TMPRSS11E: variants seen among roughly 807,000 people sequenced by gnomAD.
The protein encoded by TMPRSS11E is transmembrane serine protease 11E.
Under a neutral mutation model 48.1 loss-of-function variants are expected in TMPRSS11E, and 38 were observed. The observed-to-expected ratio is 0.79, with a 90% CI of 0.61 to 1.04. The LOEUF is 1.04. TMPRSS11E is among the 50% of genes least tolerant of loss of function. The pLI, the probability that TMPRSS11E is intolerant of heterozygous loss-of-function variation, is 0.00. For synonymous variants in TMPRSS11E, 158 were observed against 171.9 expected (o/e 0.92, Z 0.63); for missense variants, 530 against 510.8 (o/e 1.04, Z -0.36).
chr4:68,489,398 T>G (rs915188011), intron 9 of TMPRSS11E, among the ~76,000 whole-genome samples: 1 of 152,132 alleles, frequency 6.6e-6, no homozygotes, highest in African/African-American at 2.4e-5. Flanking sequence ...GCAAAGGCAC[T>G]TTGGCGGGGT....
intron 9 of TMPRSS11E, among the ~76,000 whole-genome samples, chr4:68,483,389 A>G (rs1257391041): frequency 1.3e-5 from 2 of 152,240 alleles, no homozygotes; most frequent in East Asian, 3.9e-4. Context: ...CACTTCCAGC[A>G]ATGGAGATTA....
intron 1 of TMPRSS11E, among the ~76,000 whole-genome samples, chr4:68,455,154 C>G (rs1249398099): frequency 1.3e-5 from 2 of 151,866 alleles, no homozygotes; most frequent in African/African-American, 4.8e-5. Flanking sequence ...CTTGTAGTCT[C>G]TTAGTTTGAC....
chr4:68,483,932 T>C (rs1560558243), intron 9 of TMPRSS11E, among the ~76,000 whole-genome samples: 1 of 152,210 alleles, frequency 6.6e-6, no homozygotes, highest in East Asian at 1.9e-4. Context: ...TTGTCAAAGA[T>C]GAGATGGTTG....
At chr4:68,477,697 C>T in intron 8 of TMPRSS11E, 69 bp downstream of exon 8, 1 of 1,552,334 alleles carries the variant, frequency 6.4e-7, no homozygotes, top group South Asian at 1.2e-5. Flanking sequence ...CAATGAAATG[C>T]CATTATGCCA....
At chr4:68,455,513 A>G (rs969606095) in intron 1 of TMPRSS11E, among the ~76,000 whole-genome samples, 4 of 151,912 alleles carry the variant, frequency 2.6e-5, no homozygotes, top group East Asian at 1.9e-4. Flanking sequence ...GTTTAGATCT[A>G]CTTCCATTCT....
chr4:68,483,347 G>T (rs988308964), intron 9 of TMPRSS11E, among the ~76,000 whole-genome samples: 1 of 152,142 alleles, frequency 6.6e-6, no homozygotes, highest in South Asian at 2.1e-4. Context: ...ATGCTGTCAG[G>T]GATCCGTTAC....
intron 9 of TMPRSS11E, among the ~76,000 whole-genome samples, chr4:68,487,104 C>T (rs1269018816): frequency 6.6e-6 from 1 of 152,120 alleles, no homozygotes; most frequent in Non-Finnish European, 1.5e-5. Flanking sequence ...GTAAGTGGGG[C>T]ATTAAGCCTG....
Position 68,460,485 on chromosome 4 carries a change from C to T in TMPRSS11E, c.12-1336C>T, listed in dbSNP as rs182192177. On this transcript the variant is annotated intron_variant, in intron 1 of 9. Transcript: ENST00000305363. ...TGAGCTCAGAGTTTAAATGATTTTT[C>T]CGTCGCTGATCTGTTAATGAAAGGG... is the stretch of plus-strand genomic sequence containing the variant. 7.9e-5 allele frequency among the ~76,000 whole-genome samples: 12 copies of T among 152,228 alleles called. 1 individual carries two copies. Among genetic ancestry groups the T allele is most frequent in the African/African-American group, 2.2e-4 (9 of 41,540 alleles).
At chr4:68,472,474 T>C (rs1051548819) in intron 5 of TMPRSS11E, among the ~76,000 whole-genome samples, 2 of 152,066 alleles carry the variant, frequency 1.3e-5, no homozygotes, top group African/African-American at 2.4e-5. Flanking sequence ...CTCTGGAATC[T>C]AGCGTACATT....
chr4:68,466,483 T>A (rs1162257560), intron 2 of TMPRSS11E, 148 bp from the exon 3 acceptor site: 1 of 750,354 alleles, frequency 1.3e-6, no homozygotes, highest in African/African-American at 1.8e-5. Flanking sequence ...GAGATAACTA[T>A]GAGGCCTGGG....
chr4:68,482,393 T>C, intron 9 of TMPRSS11E, among the ~76,000 whole-genome samples: 1 of 152,056 alleles, frequency 6.6e-6, no homozygotes, highest in East Asian at 1.9e-4. Context: ...TCTTCTCACA[T>C]TGCAAAATAT....
intron 1 of TMPRSS11E, among the ~76,000 whole-genome samples, chr4:68,457,645 C>T (rs1422731052): frequency 6.6e-6 from 1 of 152,024 alleles, no homozygotes; most frequent in African/African-American, 2.4e-5. Context: ...TTGGAACCAA[C>T]CCAAATGCCC....
chr4:68,489,477 C>A (rs1449195102), intron 9 of TMPRSS11E, among the ~76,000 whole-genome samples: 1 of 152,096 alleles, frequency 6.6e-6, no homozygotes, highest in Non-Finnish European at 1.5e-5. Context: ...AAGTCCTGCA[C>A]AGGCATGCGT....
At chr4:68,489,350 T>C (rs547605804) in intron 9 of TMPRSS11E, among the ~76,000 whole-genome samples, 119 of 152,224 alleles carry the variant, frequency 7.8e-4, no homozygotes, top group African/African-American at 2.7e-3. Context: ...TTGGAAGGAA[T>C]GAGGTGTTCC....
intron 1 of TMPRSS11E, among the ~76,000 whole-genome samples, chr4:68,459,371 G>A (rs767182407): frequency 4.0e-5 from 6 of 151,126 alleles, no homozygotes; most frequent in Non-Finnish European, 7.4e-5. Context: ...TAATTCAAAC[G>A]CCATAATGTT....
chr4:68,459,830 C>A (rs952278619), intron 1 of TMPRSS11E, among the ~76,000 whole-genome samples: 1 of 152,180 alleles, frequency 6.6e-6, no homozygotes, highest in Non-Finnish European at 1.5e-5. Flanking sequence ...GTATTCCCCC[C>A]AAAGTTTTGC....
In TMPRSS11E at chr4:68,471,534, T is replaced by C. The variant is rs1436388462; in HGVS notation, c.401T>C (p.Val134Ala). 1.9e-6 allele frequency: 3 copies of C among 1,611,178 alleles called. No individual in the cohort carries two copies. The highest frequency in any genetic ancestry group is 2.5e-6 in the Non-Finnish European group (3 of 1,178,670). The change falls in exon 5 of 10, where the codon GTA (valine) becomes GCA (alanine). Residue 134 changes from valine to alanine, a missense_variant. Physicochemically the swap from Val to Ala is moderately conservative, Grantham distance 64. Transcript: ENST00000305363. ...CACTCTACTGAGGATCCTGAAACTG[T>C]AGATAAAATTGTTCAACTTGTTTTA... ...RFHSTEDPET[V>A]DKIVQLVLHE...
At chr4:68,456,513 T>A (rs1728635639) in intron 1 of TMPRSS11E, among the ~76,000 whole-genome samples, 1 of 152,100 alleles carries the variant, frequency 6.6e-6, no homozygotes, top group Non-Finnish European at 1.5e-5. Context: ...TATGATATTC[T>A]GTTTTATTTC....
intron 2 of TMPRSS11E, among the ~76,000 whole-genome samples, chr4:68,463,008 CTAGAT>C (rs996856740): frequency 1.3e-5 from 2 of 152,156 alleles, no homozygotes; most frequent in Non-Finnish European, 2.9e-5. Flanking sequence ...TCCTCTGTTA[CTAGAT>C]TATACTTGGA....
Sources: gnomAD v4.1 joint callset for allele counts (sites outside exome capture counted in the v4.1 genomes callset) on GRCh38, gnomAD v4.1.1 for gene constraint, MANE v1.5 for transcripts, NCBI Gene and HGNC (gene_info 2026-07-23, HGNC 2026-07-21) for gene names.